The following PDE8B variants were observed in gnomAD, a reference collection of about 807,000 sequenced individuals.
PDE8B encodes high affinity cAMP-specific and IBMX-insensitive 3',5'-cyclic phosphodiesterase 8B.
PDE8B carries 26 observed loss-of-function variants against 101.3 expected under a neutral mutation model. The ratio of observed to expected loss-of-function variants is 0.26; its 90% CI spans 0.19 to 0.36. PDE8B has a LOEUF of 0.36. Among genes scored for constraint, PDE8B ranks in the 10% least tolerant of loss-of-function variants. The pLI, the probability that PDE8B is intolerant of heterozygous loss-of-function variation, is 1.00. For synonymous variants in PDE8B, 424 were observed against 429.3 expected (o/e 0.99, Z 0.15); for missense variants, 810 against 1,163.1 (o/e 0.70, Z 4.42).
the PDE8B span, chr5:77,147,155 GATA>G: frequency 3.6e-6 from 1 of 278,492 alleles, no homozygotes; most frequent in Non-Finnish European, 7.3e-6. Context: ...TGATGATGAT[GATA>G]ATGAGTAAGT....
chr5:77,374,014 C>T (rs1234159801), intron 10 of PDE8B, among the ~76,000 whole-genome samples: 1 of 152,062 alleles, frequency 6.6e-6, no homozygotes, highest in Non-Finnish European at 1.5e-5. Context: ...CCATGCCCAG[C>T]TAATTTTGTG....
intron 10 of PDE8B, among the ~76,000 whole-genome samples, chr5:77,361,663 C>T (rs561742158): frequency 3.9e-5 from 6 of 152,070 alleles, no homozygotes; most frequent in South Asian, 4.2e-4. Flanking sequence ...TACAGGCGCC[C>T]GCTACCTCAC....
At chr5:77,404,528 TTAAC>T (rs1002322485) in intron 11 of PDE8B, among the ~76,000 whole-genome samples, 188 bp from the exon 12 acceptor site, 3 of 152,240 alleles carry the variant, frequency 2.0e-5, no homozygotes, top group Non-Finnish European at 4.4e-5. Context: ...AAACCATCAT[TTAAC>T]TAATATGACT....
At chr5:77,099,970 G>C in the PDE8B span, among the ~76,000 whole-genome samples, 4 of 152,144 alleles carry the variant, frequency 2.6e-5, no homozygotes, top group Non-Finnish European at 5.9e-5. Context: ...GAAAGAAATG[G>C]CTCTTTTCCT....
At chr5:77,288,839 C>CTTTTTTTTTTTTTTTTTTTTTT (rs55906951) in intron 1 of PDE8B, among the ~76,000 whole-genome samples, 1 of 128,350 alleles carries the variant, frequency 7.8e-6, no homozygotes, top group Non-Finnish European at 1.6e-5. Context: ...CTGCCCCCAT[C>CTTTTTTTTTTTTTTTTTTTTTT]TTTTTTTTTT....
intron 1 of PDE8B, among the ~76,000 whole-genome samples, chr5:77,284,060 T>C (rs1457721943): frequency 6.6e-6 from 1 of 152,234 alleles, no homozygotes; most frequent in African/African-American, 2.4e-5. Context: ...GTTGTTTTAA[T>C]TTGCATTTCC....
intron 20 of PDE8B, 113 bp from the exon 21 acceptor site, chr5:77,425,654 A>C: frequency 9.2e-7 from 1 of 1,091,834 alleles, no homozygotes; most frequent in Non-Finnish European, 1.4e-6. Flanking sequence ...CTATTTCTTC[A>C]TTGAGAAAAC....
chr5:77,287,510 T>G (rs866812687), intron 1 of PDE8B, among the ~76,000 whole-genome samples: 10 of 152,104 alleles, frequency 6.6e-5, no homozygotes, highest in Non-Finnish European at 1.0e-4. Flanking sequence ...TCTTCAATAT[T>G]GGAATATTCT....
chr5:77,128,135 A>ATAT, the PDE8B span, among the ~76,000 whole-genome samples: 1 of 152,130 alleles, frequency 6.6e-6, no homozygotes, highest in East Asian at 1.9e-4. Context: ...AATTGCCTCC[A>ATAT]TATTGTCCAA....
chr5:77,365,160 A>G (rs1299965583), intron 10 of PDE8B, among the ~76,000 whole-genome samples: 1 of 152,276 alleles, frequency 6.6e-6, no homozygotes, highest in South Asian at 2.1e-4. Context: ...GTGGCTCCCA[A>G]CCTTGGCTGC....
At chr5:77,189,065 G>C in the PDE8B span, among the ~76,000 whole-genome samples, 2 of 152,120 alleles carry the variant, frequency 1.3e-5, no homozygotes, top group Non-Finnish European at 2.9e-5. Context: ...AGTCTGCAGG[G>C]TTTTTCTCTG....
At chr5:77,308,642 A>G (rs1461875767) in intron 1 of PDE8B, among the ~76,000 whole-genome samples, 1 of 152,074 alleles carries the variant, frequency 6.6e-6, no homozygotes, top group Non-Finnish European at 1.5e-5. Flanking sequence ...AAAATGATAT[A>G]TCTTCTAGCT....
chr5:77,363,458 AAT>A (rs1408658751), intron 10 of PDE8B, among the ~76,000 whole-genome samples: 2 of 152,144 alleles, frequency 1.3e-5, no homozygotes, highest in Non-Finnish European at 2.9e-5. Context: ...TTATGTCTGT[AAT>A]CCCAGCACTT....
the PDE8B span, among the ~76,000 whole-genome samples, chr5:77,189,486 G>A: frequency 6.6e-6 from 1 of 152,068 alleles, no homozygotes; most frequent in Non-Finnish European, 1.5e-5. Flanking sequence ...AAATAGCATG[G>A]TCAGAGAATG....
At chr5:77,283,388 ATGT>A (rs1580780084) in intron 1 of PDE8B, among the ~76,000 whole-genome samples, 1 of 152,284 alleles carries the variant, frequency 6.6e-6, no homozygotes, top group East Asian at 1.9e-4. Context: ...TTCACTCTTG[ATGT>A]TGTACCTTCT....
At chr5:77,315,361 C>T (rs148528666) in intron 2 of PDE8B, among the ~76,000 whole-genome samples, 17 of 152,280 alleles carry the variant, frequency 1.1e-4, no homozygotes, top group African/African-American at 4.1e-4. Flanking sequence ...CTGATCCCCC[C>T]ACCCCACCAT....
chr5:77,114,016 T>C, the PDE8B span: 1 of 152,166 alleles, frequency 6.6e-6, no homozygotes, highest in Non-Finnish European at 1.5e-5. Flanking sequence ...AAACAACAGA[T>C]GCTGGAGAGG....
At position 77,421,731 on chromosome 5, in the gene PDE8B, C is replaced by T. The variant is rs536719618; in HGVS notation, c.2251-90C>T. On this transcript the variant is annotated intron_variant, in intron 19 of 21. Transcript: ENST00000264917. ...CGAGTCCCAGTCCTACCTGTGTGCT[C>T]GGTGATCACCATCGAATGCCTGGCG... 64 of 1,254,206 alleles carry T rather than the reference C, an allele frequency of 5.1e-5. No individual in the cohort carries two copies. In the South Asian group the frequency reaches 5.6e-4, roughly 11 times the overall value. 77.7% of individuals were successfully genotyped at this position (1,254,206 alleles called of 1,614,324 possible).
chr5:77,291,835 G>A (rs1030682992), intron 1 of PDE8B: 17 of 1,529,106 alleles, frequency 1.1e-5, no homozygotes, highest in Non-Finnish European at 1.4e-5. Context: ...CTTAATTTGA[G>A]GTGTTCGGCA....
Sources: allele counts gnomAD v4.1 joint callset (sites outside exome capture counted in the v4.1 genomes callset), GRCh38; gene constraint gnomAD v4.1.1; transcripts MANE v1.5; gene names NCBI Gene and HGNC (gene_info 2026-07-23, HGNC 2026-07-21).